Variants in RUNX1T1 observed in about 807,000 individuals in gnomAD.
RUNX1T1 encodes the protein RUNX1 partner transcriptional co-repressor 1.
Under a neutral mutation model 62.8 loss-of-function variants are expected in RUNX1T1, and 4 were observed. The observed-to-expected ratio is 0.06, with a 90% CI of 0.03 to 0.15. The LOEUF (loss-of-function observed/expected upper bound fraction) is 0.15, where lower values mean the gene tolerates loss of function less well. Ranked by LOEUF, RUNX1T1 falls within the 10% of genes least tolerant of loss-of-function variation. The pLI is 1.00. For missense variants in RUNX1T1, 508 were observed against 754.3 expected, an observed-to-expected ratio of 0.67 and a Z score of 3.82; for synonymous variants, 291 against 286.0, an observed-to-expected ratio of 1.02 and a Z score of -0.18.
At chr8:92,047,031 C>A (rs913788918) in intron 1 of RUNX1T1, among the ~76,000 whole-genome samples, 1 of 152,102 alleles carries the variant, frequency 6.6e-6, no homozygotes, top group Non-Finnish European at 1.5e-5. Context: ...CTCAACCAAG[C>A]GCTGGGCAGC....
chr8:91,990,866 C>A (rs1817538114), intron 6 of RUNX1T1, among the ~76,000 whole-genome samples: 1 of 152,094 alleles, frequency 6.6e-6, no homozygotes, highest in Admixed American at 6.5e-5. Flanking sequence ...CCATAATGCC[C>A]AGGCTGGTCT....
At chr8:91,979,932 C>G (rs1432078235) in intron 8 of RUNX1T1, 2 of 515,146 alleles carry the variant, frequency 3.9e-6, no homozygotes, top group Non-Finnish European at 7.5e-6. Flanking sequence ...GGCCTTCATC[C>G]TGTAGTGGGC....
At chr8:91,985,584 A>G (rs1163532740) in intron 8 of RUNX1T1, among the ~76,000 whole-genome samples, 1 of 152,188 alleles carries the variant, frequency 6.6e-6, no homozygotes, top group Admixed American at 6.5e-5. Context: ...GGCAAAATAT[A>G]TAGCTTCTAG....
chr8:92,027,800 G>C (rs866079341), intron 1 of RUNX1T1, among the ~76,000 whole-genome samples: 29 of 151,928 alleles, frequency 1.9e-4, no homozygotes, highest in Non-Finnish European at 3.4e-4. Flanking sequence ...ATAAATCTAT[G>C]GCAATCGATT....
chr8:91,976,984 A>C (rs1344804616), intron 8 of RUNX1T1, among the ~76,000 whole-genome samples: 1 of 152,190 alleles, frequency 6.6e-6, no homozygotes, highest in Non-Finnish European at 1.5e-5. Context: ...ATATTTTTAA[A>C]TGCTTTATCT....
At position 92,032,093 on chromosome 8, in the gene RUNX1T1, C is replaced by CAAAAAAAAA. The variant is rs59047751; in HGVS notation, c.8-14739_8-14731dup. 6.8e-5 allele frequency among the ~76,000 whole-genome samples: 2 copies of CAAAAAAAAA among 29,532 alleles called. 1 individual carries two copies. Among genetic ancestry groups the CAAAAAAAAA allele is most frequent in the African/African-American group, 3.6e-4 (2 of 5,530 alleles). The allele number at this position is 29,532 out of a possible 152,430, so 19.4% of individuals were successfully genotyped here. A position where few individuals can be genotyped will look rare whatever the true frequency, so the allele number is the denominator to read the frequency against. ...GGGCGGCAGAGCGAGAATCCTGTCT[C>CAAAAAAAAA]AAAAAAAAAAAAAAAAAAAAAAAAA... is the stretch of plus-strand genomic sequence containing the variant. On this transcript the variant is annotated intron_variant, in intron 1 of 10. Coordinates refer to ENST00000396218, the Ensembl canonical transcript of RUNX1T1.
At chr8:92,006,915 A>C (rs1384451164) in intron 4 of RUNX1T1, 1 of 152,174 alleles carries the variant, frequency 6.6e-6, no homozygotes, top group Non-Finnish European at 1.5e-5. Context: ...TTTCTACACA[A>C]GATATAAAAT....
chr8:92,048,981 T>C (rs1282072120), intron 1 of RUNX1T1, among the ~76,000 whole-genome samples: 1 of 152,228 alleles, frequency 6.6e-6, no homozygotes, highest in Non-Finnish European at 1.5e-5. Flanking sequence ...CATGCGACTC[T>C]GTATCATGCA....
intron 1 of RUNX1T1, among the ~76,000 whole-genome samples, chr8:92,048,354 C>T (rs981823478): frequency 1.3e-5 from 2 of 152,028 alleles, no homozygotes; most frequent in African/African-American, 4.8e-5. Context: ...TTGACAATGA[C>T]CAAAGCTTGT....
chr8:91,990,523 T>G (rs1817445539), intron 6 of RUNX1T1, among the ~76,000 whole-genome samples: 1 of 152,202 alleles, frequency 6.6e-6, no homozygotes, highest in South Asian at 2.1e-4. Context: ...TCTGATACAC[T>G]ATCATCTCCA....
At chr8:92,076,201 A>G in intron 1 of RUNX1T1, 64 bp from the exon 2 acceptor site, 2 of 1,289,572 alleles carry the variant, frequency 1.6e-6, no homozygotes, top group Non-Finnish European at 2.0e-6. Context: ...TATCATACCC[A>G]TCTGTTTACA....
At chr8:92,083,542 C>T (rs929240463) in intron 1 of RUNX1T1, among the ~76,000 whole-genome samples, 4 of 152,162 alleles carry the variant, frequency 2.6e-5, no homozygotes, top group African/African-American at 9.7e-5. Flanking sequence ...ATCAAAACCA[C>T]AATGAGATAC....
intron 1 of RUNX1T1, among the ~76,000 whole-genome samples, chr8:92,020,303 A>G (rs1013388785): frequency 3.7e-4 from 56 of 152,336 alleles, no homozygotes; most frequent in African/African-American, 1.3e-3. Flanking sequence ...TTTTTGAAAT[A>G]TATATTCTTG....
At chr8:92,025,045 A>G (rs1824874105) in intron 1 of RUNX1T1, among the ~76,000 whole-genome samples, 1 of 152,168 alleles carries the variant, frequency 6.6e-6, no homozygotes, top group African/African-American at 2.4e-5. Flanking sequence ...CCAGTATGAG[A>G]ATAACTCTAG....
chr8:91,977,405 A>G (rs1329466466), intron 8 of RUNX1T1: 1 of 194,764 alleles, frequency 5.1e-6, no homozygotes, highest in East Asian at 8.2e-5. Flanking sequence ...AAAGTAAATG[A>G]CAAAAATAAA....
intron 9 of RUNX1T1, among the ~76,000 whole-genome samples, chr8:91,971,571 T>C (rs1339888580): frequency 1.3e-5 from 2 of 152,350 alleles, no homozygotes; most frequent in East Asian, 3.9e-4. Context: ...GTTTTACTTT[T>C]GAAAAGTCAT....
At chr8:92,040,229 GC>G (rs1187283031) in intron 1 of RUNX1T1, among the ~76,000 whole-genome samples, 1 of 152,084 alleles carries the variant, frequency 6.6e-6, no homozygotes, top group East Asian at 1.9e-4. Context: ...AATTACCCCT[GC>G]CCCATATTCA....
intron 1 of RUNX1T1, among the ~76,000 whole-genome samples, chr8:92,027,481 A>G (rs1825437149): frequency 6.6e-6 from 1 of 152,192 alleles, no homozygotes; most frequent in African/African-American, 2.4e-5. Context: ...TTCCGCTGCC[A>G]TTCAGACCTT....
At chr8:91,958,547 G>A (rs1004446878), downstream of RUNX1T1, 3 of 184,520 alleles carry the variant, frequency 1.6e-5, no homozygotes, top group Non-Finnish European at 3.4e-5. Context: ...ATACTTAAAC[G>A]ACCTTACAGC....
Sources: gnomAD v4.1 joint callset for allele counts (sites outside exome capture counted in the v4.1 genomes callset) on GRCh38, gnomAD v4.1.1 for gene constraint, MANE v1.5 for transcripts, NCBI Gene and HGNC (gene_info 2026-07-23, HGNC 2026-07-21) for gene names.